GPR158: variants seen among roughly 807,000 people sequenced by gnomAD.
The protein encoded by GPR158 is G protein-coupled receptor 158, also known as metabotropic glycine receptor.
GPR158 carries 30 observed loss-of-function variants against 78.2 expected under a neutral mutation model. The ratio of observed to expected loss-of-function variants is 0.38; its 90% CI spans 0.29 to 0.52. The LOEUF (loss-of-function observed/expected upper bound fraction) is 0.52. Ranked by LOEUF, GPR158 falls within the 20% of genes least tolerant of loss-of-function variation. The pLI is 0.83. For missense variants in GPR158, 1,463 were observed against 1,523.5 expected (o/e 0.96, Z 0.66); for synonymous variants, 581 against 591.1 (o/e 0.98, Z 0.25).
At chr10:25,248,791 G>A (rs548827812) in intron 2 of GPR158, among the ~76,000 whole-genome samples, 54 of 151,016 alleles carry the variant, frequency 3.6e-4, no homozygotes, top group South Asian at 2.5e-3. Flanking sequence ...TTGACTTGGC[G>A]ATGTGGGCTC....
At chr10:25,507,489 A>G (rs1208109863) in intron 5 of GPR158, among the ~76,000 whole-genome samples, 1 of 152,214 alleles carries the variant, frequency 6.6e-6, no homozygotes, top group East Asian at 1.9e-4. Flanking sequence ...AGTAATTTTC[A>G]TGTTGTGTTT....
chr10:25,371,396 A>G (rs1248409879), intron 2 of GPR158, among the ~76,000 whole-genome samples: 2 of 151,796 alleles, frequency 1.3e-5, no homozygotes, highest in Non-Finnish European at 2.9e-5. Flanking sequence ...CCGCATCGCC[A>G]TGTCAATCCT....
intron 2 of GPR158, among the ~76,000 whole-genome samples, chr10:25,293,839 G>C (rs1202316546): frequency 6.6e-6 from 1 of 151,570 alleles, no homozygotes; most frequent in Non-Finnish European, 1.5e-5. Flanking sequence ...TCCGCCTCCT[G>C]GGTTCAAGTG....
intron 4 of GPR158, among the ~76,000 whole-genome samples, chr10:25,420,198 A>T (rs1265839807): frequency 6.6e-6 from 1 of 152,154 alleles, no homozygotes; most frequent in Non-Finnish European, 1.5e-5. Context: ...TACTCAGGCT[A>T]TAATGCAGTG....
intron 2 of GPR158, among the ~76,000 whole-genome samples, chr10:25,326,527 G>A (rs775902213): frequency 4.1e-4 from 62 of 152,138 alleles, no homozygotes; most frequent in Non-Finnish European, 6.5e-4. Flanking sequence ...TGCTGTGCAC[G>A]ATCTCATTTA....
At chr10:25,550,032 G>T (rs1836708390) in intron 5 of GPR158, among the ~76,000 whole-genome samples, 1 of 152,112 alleles carries the variant, frequency 6.6e-6, no homozygotes, top group African/African-American at 2.4e-5. Flanking sequence ...AGGTTCTTAG[G>T]CAGGGTCAAA....
intron 2 of GPR158, among the ~76,000 whole-genome samples, chr10:25,265,598 G>A (rs1854035420): frequency 6.6e-6 from 1 of 152,126 alleles, no homozygotes; most frequent in Admixed American, 6.6e-5. Flanking sequence ...GGGAGACATG[G>A]CATTCTTCAT....
At chr10:25,471,695 C>A (rs1313981306) in intron 5 of GPR158, among the ~76,000 whole-genome samples, 1 of 152,158 alleles carries the variant, frequency 6.6e-6, no homozygotes, top group Non-Finnish European at 1.5e-5. Flanking sequence ...TTTTGATTTG[C>A]ATTTCTCTGA....
chr10:25,302,935 G>C (rs910145870), intron 2 of GPR158, among the ~76,000 whole-genome samples: 2 of 152,184 alleles, frequency 1.3e-5, no homozygotes, highest in Non-Finnish European at 2.9e-5. Context: ...CAAATCACAT[G>C]ATTTACTGTG....
intron 1 of GPR158, among the ~76,000 whole-genome samples, chr10:25,200,655 T>A (rs1428281857): frequency 1.3e-5 from 2 of 152,132 alleles, no homozygotes; most frequent in Non-Finnish European, 2.9e-5. Context: ...TCTTTACTGA[T>A]CTTGAATTGA....
chr10:25,482,000 G>C (rs1337269558), intron 5 of GPR158, among the ~76,000 whole-genome samples: 1 of 152,142 alleles, frequency 6.6e-6, no homozygotes, highest in Admixed American at 6.5e-5. Context: ...TTCAGGCTGT[G>C]TTATAATCTG....
chr10:25,183,955 A>G (rs546484425), intron 1 of GPR158, among the ~76,000 whole-genome samples: 1 of 152,296 alleles, frequency 6.6e-6, no homozygotes, highest in South Asian at 2.1e-4. Flanking sequence ...GTGTCTTACA[A>G]TTGAGGGCAT....
intron 2 of GPR158, among the ~76,000 whole-genome samples, chr10:25,298,407 G>A (rs1564414690): frequency 1.3e-5 from 2 of 152,080 alleles, no homozygotes; most frequent in Non-Finnish European, 2.9e-5. Context: ...AATGGGTTTT[G>A]CCTTTGAACT....
At chr10:25,559,325 A>T (rs936623556) in intron 6 of GPR158, among the ~76,000 whole-genome samples, 4 of 151,974 alleles carry the variant, frequency 2.6e-5, no homozygotes, top group Non-Finnish European at 5.9e-5. Context: ...CTTTTGGCCT[A>T]TTTTTGTCTT....
intron 1 of GPR158, among the ~76,000 whole-genome samples, chr10:25,179,145 G>A (rs1023713835): frequency 6.6e-6 from 1 of 152,086 alleles, no homozygotes; most frequent in Non-Finnish European, 1.5e-5. Context: ...AAAGGAAAAG[G>A]TTTTTTGTTG....
chr10:25,376,604 C>G (rs149567367), intron 2 of GPR158, among the ~76,000 whole-genome samples: 35 of 151,782 alleles, frequency 2.3e-4, no homozygotes, highest in African/African-American at 7.7e-4. Flanking sequence ...TTCCCTTTTG[C>G]AGCTTCAAAC....
At chr10:25,402,639 G>T (rs1219558825) in intron 3 of GPR158, among the ~76,000 whole-genome samples, 2 of 151,912 alleles carry the variant, frequency 1.3e-5, no homozygotes, top group African/African-American at 4.8e-5. Flanking sequence ...AATATGAATG[G>T]TAAAGTAAAT....
chr10:25,464,906 T>C (rs1430035151), intron 4 of GPR158, among the ~76,000 whole-genome samples: 1 of 152,338 alleles, frequency 6.6e-6, no homozygotes, highest in East Asian at 1.9e-4. Flanking sequence ...GATAGAAATT[T>C]TCTTTTCACC....
chr10:25,400,080 G>A (rs1834420103), intron 3 of GPR158, among the ~76,000 whole-genome samples: 2 of 152,152 alleles, frequency 1.3e-5, no homozygotes, highest in Admixed American at 6.6e-5. Context: ...AATCATGCAT[G>A]TAAAGAGATA....
Sources: allele counts gnomAD v4.1 joint callset (sites outside exome capture counted in the v4.1 genomes callset), GRCh38; gene constraint gnomAD v4.1.1; transcripts MANE v1.5; gene names NCBI Gene and HGNC (gene_info 2026-07-23, HGNC 2026-07-21).